RGS5: variants seen among roughly 807,000 people sequenced by gnomAD.
RGS5 encodes regulator of G-protein signalling 5.
RGS5 carries 20 observed loss-of-function variants against 18.9 expected under a neutral mutation model. That is an observed-to-expected ratio of 1.06 (90% confidence interval 0.74 to 1.54). The LOEUF is 1.54. RGS5 is among the 40% of genes most tolerant of loss of function. RGS5 has a pLI of 0.00. For synonymous variants in RGS5, 57 were observed against 76.2 expected (o/e 0.75, Z 1.31); for missense variants, 201 against 211.8 (o/e 0.95, Z 0.32).
intron 4 of RGS5, 58 bp downstream of exon 4, chr1:163,152,492 A>G (rs746692844): frequency 6.6e-7 from 1 of 1,524,788 alleles, no homozygotes; most frequent in Non-Finnish European, 8.8e-7. Context: ...CTCAGATGTA[A>G]ATCCTTCCTG....
At chr1:163,244,186 T>A (rs1647872050) in intron 2 of RGS5, among the ~76,000 whole-genome samples, 1 of 152,180 alleles carries the variant, frequency 6.6e-6, no homozygotes, top group Non-Finnish European at 1.5e-5. Flanking sequence ...GCTTGAGGTC[T>A]ACAGAGAGAA....
chr1:163,201,399 G>A (rs554052832), intron 1 of RGS5, among the ~76,000 whole-genome samples: 39 of 152,000 alleles, frequency 2.6e-4, no homozygotes, highest in Non-Finnish European at 4.7e-4. Context: ...CTTCCCCAGG[G>A]TTGGTACAAT....
intron 2 of RGS5, among the ~76,000 whole-genome samples, chr1:163,258,651 G>T (rs1403244840): frequency 1.1e-5 from 1 of 93,982 alleles, no homozygotes; most frequent in African/African-American, 5.0e-5. Flanking sequence ...GTGTCTGTGT[G>T]TGTGTGTGTG....
intron 2 of RGS5, chr1:163,306,115 A>G (rs1459354465): frequency 1.3e-5 from 2 of 152,158 alleles, no homozygotes; most frequent in Admixed American, 1.3e-4. Context: ...CTATTCCGTT[A>G]TTCTCATTTC....
chr1:163,186,043 C>T (rs1659052883), intron 1 of RGS5, among the ~76,000 whole-genome samples: 1 of 150,572 alleles, frequency 6.6e-6, no homozygotes, highest in African/African-American at 2.4e-5. Flanking sequence ...TTATATGCAT[C>T]TGGCAAATAG....
intron 2 of RGS5, among the ~76,000 whole-genome samples, chr1:163,245,200 G>A (rs114302088): frequency 0.016 from 2,450 of 152,112 alleles, 37 homozygotes; most frequent in Non-Finnish European, 0.025. Context: ...GTAGTCTATC[G>A]TCTTGCTCTT....
chr1:163,240,282 A>G (rs1647753864), intron 2 of RGS5, among the ~76,000 whole-genome samples: 1 of 151,992 alleles, frequency 6.6e-6, no homozygotes, highest in African/African-American at 2.4e-5. Flanking sequence ...ATCAGCAGTT[A>G]AAAAAAAGAA....
intron 1 of RGS5, among the ~76,000 whole-genome samples, chr1:163,306,884 G>T (rs1649715235): frequency 6.6e-6 from 1 of 152,098 alleles, no homozygotes; most frequent in Admixed American, 6.5e-5. Context: ...GCCCTCAGAA[G>T]GCATCAACCT....
Position 163,293,961 on chromosome 1 carries a change from G to A in RGS5, c.-281+12272C>T, listed in dbSNP as rs912986506. On this transcript the variant is annotated intron_variant, in intron 2 of 5. Coordinates refer to the RGS5 transcript ENST00000618415. Reference sequence around the variant, plus strand: ...CACATCCAGGGCACAGTGATACAAGGAGTGGCCTCCCAAGGCCTTGGGCAG... The same window carrying A: ...CACATCCAGGGCACAGTGATACAAGAAGTGGCCTCCCAAGGCCTTGGGCAG... 3.3e-5 allele frequency among the ~76,000 whole-genome samples: 5 copies of A among 152,172 alleles called. 1 individual carries two copies. Among genetic ancestry groups the A allele is most frequent in the African/African-American group, 4.8e-5 (2 of 41,456 alleles).
At chr1:163,281,282 T>C (rs930369015) in intron 2 of RGS5, among the ~76,000 whole-genome samples, 1 of 152,010 alleles carries the variant, frequency 6.6e-6, no homozygotes, top group African/African-American at 2.4e-5. Context: ...AGCATGAAAA[T>C]GGACTAATAC....
intron 2 of RGS5, chr1:163,248,555 C>T (rs1259084009): frequency 2.0e-5 from 3 of 151,908 alleles, no homozygotes; most frequent in Admixed American, 6.6e-5. Flanking sequence ...GGGCACTGAT[C>T]AGAGAAGAAG....
chr1:163,294,479 C>T (rs1256701102), intron 2 of RGS5, among the ~76,000 whole-genome samples: 2 of 152,226 alleles, frequency 1.3e-5, no homozygotes, highest in African/African-American at 4.8e-5. Flanking sequence ...AGTCCTGAGA[C>T]TGCACAGAAC....
chr1:163,241,356 T>C (rs1647787856), intron 2 of RGS5, among the ~76,000 whole-genome samples: 1 of 152,218 alleles, frequency 6.6e-6, no homozygotes, highest in South Asian at 2.1e-4. Flanking sequence ...AAATATATTA[T>C]CTTCTGGTCT....
chr1:163,192,468 T>C (rs536506600), intron 1 of RGS5, among the ~76,000 whole-genome samples: 2 of 151,688 alleles, frequency 1.3e-5, no homozygotes, highest in South Asian at 4.2e-4. Flanking sequence ...ATCCAAACTA[T>C]GGAGATAGAA....
chr1:163,196,580 C>T (rs1397689426), intron 1 of RGS5, among the ~76,000 whole-genome samples: 2 of 152,098 alleles, frequency 1.3e-5, no homozygotes, highest in Admixed American at 6.6e-5. Flanking sequence ...ATACAGAATG[C>T]AATTCACTAA....
intron 2 of RGS5, among the ~76,000 whole-genome samples, chr1:163,234,850 G>A (rs1275274067): frequency 6.6e-6 from 1 of 152,180 alleles, no homozygotes; most frequent in African/African-American, 2.4e-5. Flanking sequence ...TCCCAAGTCT[G>A]TCAATTGGCT....
At chr1:163,222,490 C>T (rs575062603), upstream of RGS5, among the ~76,000 whole-genome samples, 21 of 152,274 alleles carry the variant, frequency 1.4e-4, no homozygotes, top group Admixed American at 1.0e-3. Flanking sequence ...AAGCCACCAC[C>T]GTGACTGGTG....
At chr1:163,154,355 A>G (rs6656189) in intron 3 of RGS5, among the ~76,000 whole-genome samples, 31,408 of 152,016 alleles carry the variant, frequency 0.21, 5,361 homozygotes, top group African/African-American at 0.47. Context: ...CCCTGAAACC[A>G]TACCCAATTT....
At chr1:163,188,091 T>C (rs1659171152) in intron 1 of RGS5, among the ~76,000 whole-genome samples, 1 of 152,062 alleles carries the variant, frequency 6.6e-6, no homozygotes, top group African/African-American at 2.4e-5. Flanking sequence ...GAGGAGAGTT[T>C]TTCCGACATA....
Sources: allele counts gnomAD v4.1 joint callset (sites outside exome capture counted in the v4.1 genomes callset), GRCh38; gene constraint gnomAD v4.1.1; transcripts MANE v1.5; gene names NCBI Gene and HGNC (gene_info 2026-07-23, HGNC 2026-07-21).